The following PDE1C variants were observed in gnomAD, a reference collection of about 807,000 sequenced individuals.
PDE1C encodes the protein phosphodiesterase 1C.
A neutral mutation model predicts 93.1 loss-of-function variants in PDE1C; 62 were observed. The ratio of observed to expected loss-of-function variants is 0.67; its 90% CI spans 0.54 to 0.82. PDE1C has a LOEUF of 0.82. Among genes scored for constraint, PDE1C ranks in the 40% least tolerant of loss-of-function variants. PDE1C has a pLI of 0.00. For missense variants in PDE1C, 742 were observed against 884.6 expected, an observed-to-expected ratio of 0.84 and a Z score of 2.04; for synonymous variants, 325 against 310.1, an observed-to-expected ratio of 1.05 and a Z score of -0.50.
intron 17 of PDE1C, among the ~76,000 whole-genome samples, chr7:31,758,079 T>C (rs1562746646): frequency 1.3e-5 from 2 of 152,100 alleles, no homozygotes; most frequent in South Asian, 4.1e-4. Flanking sequence ...TTCTTAGTCA[T>C]AGGTGGGAAT....
intron 3 of PDE1C, among the ~76,000 whole-genome samples, chr7:32,112,799 CAT>C (rs201512159): frequency 0.083 from 7,473 of 89,984 alleles, 275 homozygotes; most frequent in Non-Finnish European, 0.11. Context: ...CATATATATA[CAT>C]ATATGTGTGT....
At chr7:32,153,026 A>G (rs999412964) in intron 3 of PDE1C, among the ~76,000 whole-genome samples, 7 of 152,178 alleles carry the variant, frequency 4.6e-5, no homozygotes, top group African/African-American at 1.4e-4. Context: ...AAATATTAAG[A>G]AAGGAGGGAC....
At chr7:32,255,044 A>G (rs1277066486) in intron 1 of PDE1C, among the ~76,000 whole-genome samples, 1 of 152,132 alleles carries the variant, frequency 6.6e-6, no homozygotes, top group Non-Finnish European at 1.5e-5. Flanking sequence ...ACCTTTCCCC[A>G]TTGCCAAAGT....
In PDE1C at chr7:31,810,460, T is replaced by G. The variant is rs546876642; in HGVS notation, c.1814-1352A>C. 2.0e-4 allele frequency among the ~76,000 whole-genome samples: 31 copies of G among 152,272 alleles called. 1 individual carries two copies. In the South Asian group the frequency reaches 6.4e-3, roughly 32 times the overall value. The stretch of plus-strand genomic sequence containing the variant: ...TGCATCATTTTATTAAATCTTCTAA[T>G]AGCCCCATTATGAAGGGGCTACTAT... On this transcript the variant is annotated intron_variant, in intron 15 of 17. Coordinates refer to ENST00000396191, the MANE Select transcript of PDE1C (RefSeq NM_001191057.4).
At chr7:32,297,990 TCTCTCTC>T (rs1812704849) in intron 1 of PDE1C, among the ~76,000 whole-genome samples, 3 of 45,632 alleles carry the variant, frequency 6.6e-5, no homozygotes, top group Admixed American at 1.8e-4. Context: ...TCTCTCTCTC[TCTCTCTC>T]CTCTCTCTCT....
intron 1 of PDE1C, among the ~76,000 whole-genome samples, chr7:32,286,802 T>C (rs547124202): frequency 9.2e-5 from 14 of 152,210 alleles, no homozygotes; most frequent in Non-Finnish European, 1.3e-4. Context: ...TTAACAGAGG[T>C]CATCTCTGGA....
intron 3 of PDE1C, among the ~76,000 whole-genome samples, chr7:32,143,575 C>G (rs1800658500): frequency 2.0e-5 from 3 of 152,036 alleles, no homozygotes; most frequent in Admixed American, 1.3e-4. Context: ...CTGCAGCTGT[C>G]AAGTGCAAAC....
intron 7 of PDE1C, among the ~76,000 whole-genome samples, chr7:31,861,625 C>T (rs1439701891): frequency 6.6e-6 from 1 of 152,100 alleles, no homozygotes; most frequent in South Asian, 2.1e-4. Flanking sequence ...TTCTCGATTC[C>T]CCTCTTTAAT....
In PDE1C at chr7:32,149,257, G is replaced by A. The variant is rs1801093255; in HGVS notation, c.308+20528C>T. Among the ~76,000 whole-genome samples the A allele has an allele frequency of 2.6e-5, 4 of 152,236 alleles. No homozygotes were observed. In the South Asian group the frequency reaches 8.3e-4, roughly 32 times the overall value. ...GATATTATGCTTCTATTAGGGGAAG[G>A]GTCAAAGCAAAACATTCTAAAACCA... On this transcript the variant is annotated intron_variant, in intron 3 of 18. Coordinates refer to the PDE1C transcript ENST00000396193.
At chr7:32,269,256 G>T (rs560246044) in intron 1 of PDE1C, among the ~76,000 whole-genome samples, 4 of 149,584 alleles carry the variant, frequency 2.7e-5, no homozygotes, top group South Asian at 2.1e-4. Context: ...CTGAGCCAGG[G>T]GGGGTGAGAT....
the PDE1C span, among the ~76,000 whole-genome samples, chr7:31,669,115 A>T: frequency 6.6e-6 from 1 of 152,166 alleles, no homozygotes; most frequent in Non-Finnish European, 1.5e-5. Flanking sequence ...ACATGATGTG[A>T]CGCATTTTAA....
chr7:31,753,215 C>T lies in PDE1C; in HGVS notation c.*169G>A. 1.2e-6 allele frequency: 1 copy of T among 824,254 alleles called. No homozygotes were observed. The highest frequency in any genetic ancestry group is 1.8e-6 in the Non-Finnish European group (1 of 550,432). The allele number at this position is 824,254 out of a possible 1,614,324, so 51.1% of individuals were successfully genotyped here. ...AATTGAAAAGTCTATACAAGAACAA[C>T]AAAGAGGAAAATCACATACAACTTT... On this transcript the variant is annotated 3_prime_UTR_variant, in exon 18 of 18. Transcript: ENST00000396191.
chr7:32,221,214 C>T (rs1009429291), intron 1 of PDE1C, among the ~76,000 whole-genome samples: 1 of 152,150 alleles, frequency 6.6e-6, no homozygotes, highest in Admixed American at 6.5e-5. Flanking sequence ...AAGTCATTGC[C>T]GAAAGAAGAG....
chr7:31,954,618 C>A (rs937084931), intron 2 of PDE1C, among the ~76,000 whole-genome samples: 1 of 152,124 alleles, frequency 6.6e-6, no homozygotes, highest in Admixed American at 6.5e-5. Context: ...GTCCCTCTGG[C>A]TTACTGGAAT....
chr7:31,804,693 T>C (rs1226674456), intron 16 of PDE1C, among the ~76,000 whole-genome samples: 1 of 151,882 alleles, frequency 6.6e-6, no homozygotes, highest in Non-Finnish European at 1.5e-5. Context: ...GTGGCTTCTC[T>C]TTGGCATATG....
chr7:32,321,315 A>G (rs1783286885), intron 1 of PDE1C, among the ~76,000 whole-genome samples: 1 of 152,250 alleles, frequency 6.6e-6, no homozygotes, highest in Admixed American at 6.5e-5. Flanking sequence ...AAGGAAGAAC[A>G]ATTTATGAAA....
At chr7:32,313,386 A>G (rs2128905202) in intron 1 of PDE1C, among the ~76,000 whole-genome samples, 1 of 151,826 alleles carries the variant, frequency 6.6e-6, no homozygotes, top group East Asian at 1.9e-4. Context: ...CATTTGACTC[A>G]GCCATCCCAT....
At chr7:32,268,785 G>A (rs998072111) in intron 1 of PDE1C, among the ~76,000 whole-genome samples, 1 of 152,134 alleles carries the variant, frequency 6.6e-6, no homozygotes, top group African/African-American at 2.4e-5. Flanking sequence ...CTTTTCACTA[G>A]CTAATAGCAT....
At chr7:32,211,564 C>T (rs544418704) in intron 1 of PDE1C, among the ~76,000 whole-genome samples, 136 of 145,476 alleles carry the variant, frequency 9.3e-4, no homozygotes, top group African/African-American at 3.4e-3. Flanking sequence ...TGTCTATAAC[C>T]AAAGTTATCT....
Sources: allele counts gnomAD v4.1 joint callset (sites outside exome capture counted in the v4.1 genomes callset), GRCh38; gene constraint gnomAD v4.1.1; transcripts MANE v1.5; gene names NCBI Gene and HGNC (gene_info 2026-07-23, HGNC 2026-07-21).